Variants in EP400 observed in about 807,000 individuals in gnomAD.
The protein encoded by EP400 is E1A-binding protein p400.
EP400 carries 105 observed loss-of-function variants against 354.1 expected under a neutral mutation model. The ratio of observed to expected loss-of-function variants is 0.30; its 90% confidence interval spans 0.25 to 0.35. The LOEUF is 0.35. Ranked by LOEUF, EP400 falls within the 10% of genes least tolerant of loss-of-function variation. EP400 has a pLI of 1.00. For missense variants in EP400, 3,280 were observed against 4,121.0 expected (o/e 0.80, Z 5.59); for synonymous variants, 1,646 against 1,716.9 (o/e 0.96, Z 1.02).
intron 27 of EP400, among the ~76,000 whole-genome samples, chr12:132,028,730 A>G (rs1894388655): frequency 6.6e-6 from 1 of 152,134 alleles, no homozygotes; most frequent in African/African-American, 2.4e-5. Context: ...CACGGTGGGC[A>G]CCCGGCCGCT....
chr12:131,976,278 T>C (rs897421406), intron 2 of EP400, among the ~76,000 whole-genome samples: 2 of 152,190 alleles, frequency 1.3e-5, no homozygotes, highest in Non-Finnish European at 2.9e-5. Context: ...TTGTTTGTAT[T>C]TTGGAGTAAT....
Position 132,043,373 on chromosome 12 carries a change from C to T in EP400, c.6277C>T (p.His2093Tyr). 1 of 1,614,026 alleles carries T rather than the reference C, an allele frequency of 6.2e-7. No individual in the cohort carries two copies. Among genetic ancestry groups the T allele is most frequent in the Non-Finnish European group, 8.5e-7 (1 of 1,180,046 alleles). Residue 2093 changes from histidine to tyrosine, a missense_variant, in exon 33 of 53, where the codon CAC becomes TAC. Transcript: ENST00000389561. ...CGCACAGGAGGGGGTGCTGGGACCA[C>T]ACACTGATGCTCTGTCATCAGACTC... ...KSAQEGVLGPHTDALSSDSEN... is the reference protein window; with the variant it reads ...KSAQEGVLGPYTDALSSDSEN...
chr12:131,961,799 C>G lies in EP400; in HGVS notation c.1180C>G (p.Gln394Glu). ...GTATTTGATTGAACTGTTTTTCTTG[C>G]AACACTTTCAAGGGAACATGATGGA... ...KEYLIELFFL[Q>E]HFQGNMMDFL... The change falls in exon 2 of 53, where the codon CAA (glutamine) becomes GAA (glutamate). Residue 394 changes from glutamine (Q) to glutamate (E), a missense_variant. Around this residue, in one of 20 missense-constraint regions of EP400, gnomAD observed 85 missense variants for 180.3 expected, o/e 0.47. Transcript: ENST00000389561. 6.2e-7 allele frequency: 1 copy of G among 1,614,192 alleles called. No homozygotes were observed. The highest frequency in any genetic ancestry group is 8.5e-7 in the Non-Finnish European group (1 of 1,180,040).
chr12:131,962,024 A>AAGTAATAATTCATTG, intron 2 of EP400, 70 bp downstream of exon 2: 1 of 1,486,300 alleles, frequency 6.7e-7, no homozygotes, highest in South Asian at 1.3e-5. Context: ...ACAATGAATT[A>AAGTAATAATTCATTG]AGTAATAATT....
Position 132,029,855 on chromosome 12 carries a change from C to T in EP400, c.5536C>T (p.Pro1846Ser). The T allele has an allele frequency of 6.2e-7, 1 of 1,612,882 alleles. No individual in the cohort carries two copies. The highest frequency in any genetic ancestry group is 8.5e-7 in the Non-Finnish European group (1 of 1,180,016). ...YFQQLRQTTA[P>S]RLLQFPELRL... ...CCAGCAGCTGCGGCAGACCACGGCT[C>T]CACGCCTGCTGCAGTTCCCTGAGCT... The change falls in exon 28 of 53, where the codon CCA (proline) becomes TCA (serine). Residue 1846 changes from proline (P) to serine (S), a missense_variant. Pro to Ser is a moderately conservative substitution (Grantham distance 74). Around this residue, in one of 20 missense-constraint regions of EP400, gnomAD observed 459 missense variants for 496.9 expected, o/e 0.92. Coordinates refer to ENST00000389561, the MANE Select transcript of EP400 (RefSeq NM_015409.5). The surrounding 1 kb of genome is among the most constrained non-coding windows in gnomAD (Gnocchi z 4.7).
chr12:132,011,763 C>G, intron 16 of EP400, 129 bp downstream of exon 16: 1 of 1,205,864 alleles, frequency 8.3e-7, no homozygotes, highest in Non-Finnish European at 1.1e-6. Flanking sequence ...CATGAGTTAA[C>G]AGACCTTTAT....
Position 131,961,829 on chromosome 12 carries a change from T to G in EP400, c.1210T>G (p.Leu404Val). 2 of 1,614,228 alleles carry G rather than the reference T, an allele frequency of 1.2e-6. No individual in the cohort carries two copies. The highest frequency in any genetic ancestry group is 1.7e-6 in the Non-Finnish European group (2 of 1,180,038). ...CTTTCAAGGGAACATGATGGATTTC[T>G]TAGCTTTCAAGAAGAAACATTATGC... ...QHFQGNMMDF[L>V]AFKKKHYAPL... The change falls in exon 2 of 53, where the codon TTA (leucine) becomes GTA (valine). Residue 404 changes from leucine to valine, a missense_variant. By Grantham distance (32) the Leu-to-Val change is conservative. Around this residue, in one of 20 missense-constraint regions of EP400, gnomAD observed 85 missense variants for 180.3 expected, o/e 0.47. Transcript: ENST00000389561.
chr12:132,069,782 C>T (rs1328502855), intron 51 of EP400, 141 bp downstream of exon 51: 4 of 1,320,816 alleles, frequency 3.0e-6, no homozygotes, highest in African/African-American at 1.5e-5. Flanking sequence ...GTCTCCTGGC[C>T]TCAGGTTTCA....
intron 23 of EP400, among the ~76,000 whole-genome samples, chr12:132,022,469 T>A (rs1231456718): frequency 6.6e-6 from 1 of 152,240 alleles, no homozygotes; most frequent in East Asian, 1.9e-4. Flanking sequence ...CTTTTTATCA[T>A]ATCACTAATA....
At chr12:132,033,072 C>T (rs915168197) in intron 30 of EP400, among the ~76,000 whole-genome samples, 2 of 152,144 alleles carry the variant, frequency 1.3e-5, no homozygotes, top group Non-Finnish European at 2.9e-5. Context: ...CTCAGCCCCC[C>T]GAGGAGCTGA....
intron 30 of EP400, among the ~76,000 whole-genome samples, chr12:132,034,860 G>A (rs541746120): frequency 1.3e-5 from 2 of 152,258 alleles, no homozygotes; most frequent in Non-Finnish European, 2.9e-5. Flanking sequence ...ACCTGTGGCC[G>A]AGAGCTGGAA....
Position 132,064,900 on chromosome 12 carries a change from T to A in EP400, c.8553+14T>A. ...GTGGCCCGGCTCGTAAGTGTCAGTT[T>A]CTGTTTGTTTTCCAAAAGCAGCATC... On this transcript the variant is annotated intron_variant, in intron 48 of 52. Coordinates refer to ENST00000389561, the MANE Select transcript of EP400 (RefSeq NM_015409.5). 3.1e-6 allele frequency: 5 copies of A among 1,589,480 alleles called. No individual in the cohort carries two copies. The highest frequency in any genetic ancestry group is 4.3e-6 in the Non-Finnish European group (5 of 1,168,448).
At chr12:131,958,433 A>G (rs1356283505) in intron 1 of EP400, among the ~76,000 whole-genome samples, 2 of 152,180 alleles carry the variant, frequency 1.3e-5, no homozygotes, top group Non-Finnish European at 2.9e-5. Flanking sequence ...GCTAGTTTAA[A>G]TATGCACTTT....
At chr12:131,957,268 G>A (rs925870832) in intron 1 of EP400, among the ~76,000 whole-genome samples, 9 of 151,972 alleles carry the variant, frequency 5.9e-5, no homozygotes, top group South Asian at 2.1e-4. Context: ...GCTTTTTGTC[G>A]TACCTAGTTC....
rs1455840896 is a variant in EP400 at position 132,050,136 on chromosome 12, G to A, written c.7201-187G>A. On this transcript the variant is annotated intron_variant, in intron 39 of 52. Transcript: ENST00000389561. This position sits in a 1 kb window ranked among gnomAD's most constrained non-coding sequence, Gnocchi z 4.8. ...CTGGAGAGTGTCACAGCAGTCGGCCGCGACAGCCACTTAATGCCGCTGCTG... is the reference window on the plus strand; with the variant it reads ...CTGGAGAGTGTCACAGCAGTCGGCCACGACAGCCACTTAATGCCGCTGCTG... Among the ~76,000 whole-genome samples the A allele has an allele frequency of 1.3e-5, 2 of 152,142 alleles. No homozygotes were observed. Among genetic ancestry groups the A allele is most frequent in the African/African-American group, 4.8e-5 (2 of 41,428 alleles).
intron 29 of EP400, among the ~76,000 whole-genome samples, chr12:132,030,987 C>T (rs866358106): frequency 2.6e-5 from 4 of 152,192 alleles, no homozygotes; most frequent in East Asian, 1.9e-4. Flanking sequence ...CTCACACACA[C>T]GCTCATGTAC....
chr12:132,041,202 C>T (rs1894893621), intron 32 of EP400, among the ~76,000 whole-genome samples: 1 of 152,262 alleles, frequency 6.6e-6, no homozygotes, highest in South Asian at 2.1e-4. Flanking sequence ...TAGGATTCTT[C>T]TGTCATTGGC....
At position 132,032,871 on chromosome 12, in the gene EP400, C is replaced by T. The variant is rs542826653; in HGVS notation, c.5951+722C>T. Among the ~76,000 whole-genome samples the T allele has an allele frequency of 2.2e-3, 327 of 151,960 alleles. 3 individuals are homozygous for T. Among genetic ancestry groups the T allele is most frequent in the African/African-American group, 7.4e-3 (308 of 41,494 alleles). Reference sequence around the variant, plus strand: ...GTCTCGAACTCCTGACCTCGTGATCCGCCCGCCGTGGCCTCCCAAAGTGCT... The same window carrying T: ...GTCTCGAACTCCTGACCTCGTGATCTGCCCGCCGTGGCCTCCCAAAGTGCT... On this transcript the variant is annotated intron_variant, in intron 30 of 52. Coordinates refer to ENST00000389561, the MANE Select transcript of EP400 (RefSeq NM_015409.5).
At chr12:132,071,902 C>G (rs113300179) in intron 51 of EP400, among the ~76,000 whole-genome samples, 1 of 152,322 alleles carries the variant, frequency 6.6e-6, no homozygotes, top group African/African-American at 2.4e-5. Flanking sequence ...AAAGCAAGCC[C>G]CATGAGTACA....
Sources: gnomAD v4.1 joint callset for allele counts (sites outside exome capture counted in the v4.1 genomes callset) on GRCh38, gnomAD v4.1.1 for gene constraint, gnomAD v4.1.1 regional missense constraint, Gnocchi (gnomAD v3.1) non-coding constraint, MANE v1.5 for transcripts, NCBI Gene and HGNC (gene_info 2026-07-23, HGNC 2026-07-21) for gene names.